The following REPS2 variants were observed in gnomAD, a reference collection of about 807,000 sequenced individuals.
REPS2 encodes ralBP1-associated Eps domain-containing protein 2.
In REPS2, 23 loss-of-function variants were observed where a neutral mutation model predicts 53.6. The ratio of observed to expected loss-of-function variants is 0.43; its 90% confidence interval spans 0.31 to 0.61. The LOEUF (loss-of-function observed/expected upper bound fraction) is 0.61. REPS2 is among the 20% of genes least tolerant of loss of function. The probability of loss-of-function intolerance (pLI) is 0.11; values close to 1 mark genes in which losing one functional copy is unlikely to be tolerated. For missense variants in REPS2, 446 were observed against 534.9 expected (o/e 0.83, Z 1.64); for synonymous variants, 238 against 218.6 (o/e 1.09, Z -0.78).
chrX:16,991,129 C>A (rs1305713112), intron 1 of REPS2, among the ~76,000 whole-genome samples: 5 of 111,164 alleles, frequency 4.5e-5, no homozygotes, highest in Non-Finnish European at 1.9e-5. Context: ...GACAAAAAAA[C>A]CAGTTTTTAA....
chrX:17,153,301 A>G (rs1428354830), downstream of REPS2: 1 of 112,212 alleles, frequency 8.9e-6, no homozygotes, highest in Non-Finnish European at 1.9e-5. Context: ...CTTGGTGTCG[A>G]TATATTGTGG....
At chrX:17,019,346 C>T (rs930860529) in intron 2 of REPS2, among the ~76,000 whole-genome samples, 2 of 112,224 alleles carry the variant, frequency 1.8e-5, no homozygotes, top group Admixed American at 1.9e-4. Flanking sequence ...TCCTCAGACC[C>T]TCTAAACATT....
intron 6 of REPS2, among the ~76,000 whole-genome samples, chrX:17,049,246 T>TA (rs1239037676): frequency 9.0e-6 from 1 of 111,676 alleles, no homozygotes; most frequent in Non-Finnish European, 1.9e-5. Flanking sequence ...TACTTATATA[T>TA]AAAAAAAAGT....
intron 1 of REPS2, among the ~76,000 whole-genome samples, chrX:16,965,063 A>G (rs768836916): frequency 1.3e-4 from 9 of 70,599 alleles, no homozygotes; most frequent in African/African-American, 2.4e-4. Flanking sequence ...CCTCCCTCCC[A>G]GATGGGGCAG....
chrX:17,102,583 CAGAT>C (rs1356639660), intron 13 of REPS2, among the ~76,000 whole-genome samples: 4 of 111,811 alleles, frequency 3.6e-5, no homozygotes, highest in Admixed American at 9.5e-5. Context: ...TAATGAAAGA[CAGAT>C]AGAGAGAAAT....
At chrX:17,194,750 C>A in the REPS2 span, among the ~76,000 whole-genome samples, 1 of 111,601 alleles carries the variant, frequency 9.0e-6, no homozygotes, top group African/African-American at 3.3e-5. Context: ...TGGGGGAATC[C>A]AAGTAAGTTC....
In REPS2 at chrX:17,029,595, C is replaced by A. The variant is rs200730182; in HGVS notation, c.743C>A (p.Pro248His). Residue 248 changes from proline to histidine, a missense_variant, in exon 5 of 18, where the codon CCC (proline) becomes CAC (histidine). Coordinates refer to ENST00000357277, the MANE Select transcript of REPS2 (RefSeq NM_004726.3). Reference sequence around the variant, plus strand: ...TCATCAGGGGGCCCAGGAACCAAGCCCCTTCGGCATCAGGCTTCCCTTATC... The same window carrying A: ...TCATCAGGGGGCCCAGGAACCAAGCACCTTCGGCATCAGGCTTCCCTTATC... ...GSSSGGPGTK[P>H]LRHQASLIRS... 1.2e-4 allele frequency: 144 copies of A among 1,207,388 alleles called. No homozygotes were observed. The highest frequency in any genetic ancestry group is 1.1e-3 in the Admixed American group (52 of 45,789).
intron 1 of REPS2, among the ~76,000 whole-genome samples, chrX:16,970,766 C>T (rs1451076257): frequency 8.9e-6 from 1 of 112,468 alleles, no homozygotes; most frequent in African/African-American, 3.2e-5. Context: ...AATGAAACCA[C>T]ATAGTGTGTG....
intron 14 of REPS2, among the ~76,000 whole-genome samples, chrX:17,117,487 A>G (rs1383094692): frequency 9.2e-6 from 1 of 108,409 alleles, no homozygotes; most frequent in Non-Finnish European, 1.9e-5. Context: ...ATGTGTTCTC[A>G]TTGTTCAATT....
chrX:17,187,564 A>T, the REPS2 span, among the ~76,000 whole-genome samples: 2 of 112,431 alleles, frequency 1.8e-5, no homozygotes, highest in Non-Finnish European at 3.8e-5. Flanking sequence ...TCTATCTTGG[A>T]AGATTCCAGC....
At chrX:17,133,800 CCT>C in intron 14 of REPS2, 22 bp from the exon 15 acceptor site, 1 of 1,173,223 alleles carries the variant, frequency 8.5e-7, no homozygotes, top group Non-Finnish European at 1.2e-6. Flanking sequence ...GCATTTCTGT[CCT>C]CTCTCTGATC....
At chrX:16,969,560 C>T (rs1373820527) in intron 1 of REPS2, among the ~76,000 whole-genome samples, 7 of 109,732 alleles carry the variant, frequency 6.4e-5, no homozygotes, top group Non-Finnish European at 1.3e-4. Context: ...CCCGTCTCCA[C>T]CAAAAAAATA....
the REPS2 span, among the ~76,000 whole-genome samples, chrX:17,172,590 T>C: frequency 8.9e-6 from 1 of 111,898 alleles, no homozygotes; most frequent in Non-Finnish European, 1.9e-5. Context: ...TTTATAGCAA[T>C]GTGAGAATGG....
intron 1 of REPS2, among the ~76,000 whole-genome samples, chrX:16,993,653 T>G (rs1314825356): frequency 2.7e-5 from 3 of 112,361 alleles, no homozygotes; most frequent in Non-Finnish European, 5.6e-5. Context: ...AGTATAATTG[T>G]CCAGCTGAAC....
At chrX:17,091,651 G>A (rs564987235) in intron 13 of REPS2, among the ~76,000 whole-genome samples, 1 of 111,682 alleles carries the variant, frequency 9.0e-6, no homozygotes, top group African/African-American at 3.2e-5. Context: ...GTATTTCGGG[G>A]GGTGGTGTGT....
chrX:17,047,510 C>G lies in REPS2; in HGVS notation c.907+28C>G, dbSNP rs371298197. 2.1e-5 allele frequency: 25 copies of G among 1,197,618 alleles called. No individual in the cohort carries two copies. In the African/African-American group the frequency reaches 4.4e-4, roughly 21 times the overall value. ...AAGAATGTGGGCTCCCTAGGCATCA[C>G]TCTCACCAGAACATAGCCACCATCT... On this transcript the variant is annotated intron_variant, in intron 6 of 17. Transcript: ENST00000357277.
At chrX:17,188,909 A>G in the REPS2 span, among the ~76,000 whole-genome samples, 1 of 112,102 alleles carries the variant, frequency 8.9e-6, no homozygotes, top group Non-Finnish European at 1.9e-5. Flanking sequence ...TAACTCATTT[A>G]ATTGTCTCAC....
chrX:17,071,173 T>C (rs1014606237), intron 11 of REPS2, among the ~76,000 whole-genome samples: 2 of 112,327 alleles, frequency 1.8e-5, no homozygotes, highest in African/African-American at 6.5e-5. Flanking sequence ...TCATTCCTTA[T>C]TGGGTGAAAT....
At chrX:17,067,743 C>T (rs973001443) in intron 9 of REPS2, among the ~76,000 whole-genome samples, 8 of 111,719 alleles carry the variant, frequency 7.2e-5, no homozygotes, top group African/African-American at 2.6e-4. Flanking sequence ...CATTGTGGGG[C>T]CACTTGTCAG....
Sources: allele counts gnomAD v4.1 joint callset (sites outside exome capture counted in the v4.1 genomes callset), GRCh38; gene constraint gnomAD v4.1.1; transcripts MANE v1.5; gene names NCBI Gene and HGNC (gene_info 2026-07-23, HGNC 2026-07-21).